Variants in SCN8A observed in about 807,000 individuals in gnomAD.
The protein encoded by SCN8A is sodium voltage-gated channel alpha subunit 8, also known as sodium channel protein type 8 subunit alpha.
SCN8A carries 30 observed loss-of-function variants against 184.1 expected under a neutral mutation model. The ratio of observed to expected loss-of-function variants is 0.16; its 90% confidence interval spans 0.12 to 0.22. SCN8A has a LOEUF of 0.22. Among genes scored for constraint, SCN8A ranks in the 10% least tolerant of loss-of-function variants. The pLI is 1.00. For synonymous variants in SCN8A, 852 were observed against 907.0 expected (o/e 0.94, Z 1.09); for missense variants, 1,057 against 2,498.9 (o/e 0.42, Z 12.30).
At chr12:51,777,465 G>GTTGT (rs574594421) in intron 20 of SCN8A, among the ~76,000 whole-genome samples, 4 of 151,528 alleles carry the variant, frequency 2.6e-5, no homozygotes, top group East Asian at 1.9e-4. Flanking sequence ...CCTTTTTTTT[G>GTTGT]TTGTTTGTTT....
chr12:51,766,453 G>A (rs1343808262), intron 16 of SCN8A, among the ~76,000 whole-genome samples: 1 of 152,094 alleles, frequency 6.6e-6, no homozygotes, highest in Non-Finnish European at 1.5e-5. Flanking sequence ...TGCATTGTAG[G>A]GTTTAGCAGC....
At chr12:51,597,892 G>GT (rs887859935) in intron 1 of SCN8A, among the ~76,000 whole-genome samples, 6 of 151,994 alleles carry the variant, frequency 3.9e-5, no homozygotes, top group African/African-American at 1.4e-4. Flanking sequence ...ATTCACTACT[G>GT]TTTTTTTGTC....
intron 7 of SCN8A, among the ~76,000 whole-genome samples, chr12:51,700,380 T>G (rs953438415): frequency 1.3e-5 from 2 of 152,190 alleles, no homozygotes; most frequent in African/African-American, 4.8e-5. Context: ...AATTATTTTT[T>G]TCCCTAGCTG....
At chr12:51,686,970 G>T in intron 4 of SCN8A, 121 bp from the exon 5 acceptor site, 1 of 941,842 alleles carries the variant, frequency 1.1e-6, no homozygotes, top group Non-Finnish European at 1.7e-6. Flanking sequence ...TGCTGCATTG[G>T]CTGTGCCCTT....
intron 6 of SCN8A, among the ~76,000 whole-genome samples, chr12:51,697,910 G>T (rs1016013161): frequency 3.9e-5 from 6 of 152,118 alleles, no homozygotes; most frequent in Admixed American, 2.0e-4. Context: ...GTGCAGTGGC[G>T]CAATCTTGGC....
chr12:51,735,669 G>A (rs545104678), intron 12 of SCN8A, among the ~76,000 whole-genome samples: 1 of 152,276 alleles, frequency 6.6e-6, no homozygotes, highest in African/African-American at 2.4e-5. Context: ...CCCCAGGTGG[G>A]TGGCTGTGGT....
chr12:51,611,781 C>T (rs1185179461), intron 1 of SCN8A, among the ~76,000 whole-genome samples: 1 of 152,216 alleles, frequency 6.6e-6, no homozygotes, highest in Admixed American at 6.5e-5. Flanking sequence ...TGACGTGAGC[C>T]ACTGCACCCG....
chr12:51,592,486 A>G (rs1358291928), intron 1 of SCN8A, among the ~76,000 whole-genome samples: 4 of 152,132 alleles, frequency 2.6e-5, no homozygotes, highest in African/African-American at 4.8e-5. Flanking sequence ...CAGTTTTTGA[A>G]GCATGAGGGA....
At chr12:51,626,034 C>T (rs1014990774) in intron 1 of SCN8A, among the ~76,000 whole-genome samples, 5 of 152,070 alleles carry the variant, frequency 3.3e-5, no homozygotes, top group South Asian at 2.1e-4. Context: ...CACACAGGGC[C>T]GCAGAGGGAA....
intron 1 of SCN8A, among the ~76,000 whole-genome samples, chr12:51,629,358 T>C (rs1940147470): frequency 6.6e-6 from 1 of 152,130 alleles, no homozygotes. Flanking sequence ...GTTCTGTGCA[T>C]TGTAAGATGT....
At chr12:51,803,084 A>C (rs1007643574) in intron 26 of SCN8A, among the ~76,000 whole-genome samples, 1 of 152,204 alleles carries the variant, frequency 6.6e-6, no homozygotes, top group African/African-American at 2.4e-5. Context: ...GCCATCTGCA[A>C]GCTGAGGAGC....
rs552854004 is a variant in SCN8A, at chr12:51,767,667, C to T, written c.2902-1198C>T. ...AGGCTGTATACCAAATCTACTGAAT[C>T]CAAATATCTTTAGAGTAGGCTAAGG... On this transcript the variant is annotated intron_variant, in intron 16 of 26. Transcript: ENST00000627620. 2.0e-5 allele frequency among the ~76,000 whole-genome samples: 3 copies of T among 152,338 alleles called. No homozygotes were observed. The South Asian group carries it at 6.2e-4, about 32-fold the overall frequency.
At chr12:51,752,447 C>T (rs1030629528) in intron 14 of SCN8A, among the ~76,000 whole-genome samples, 2 of 152,112 alleles carry the variant, frequency 1.3e-5, no homozygotes, top group South Asian at 2.1e-4. Flanking sequence ...ACACACCACA[C>T]AGTTTTGACC....
intron 1 of SCN8A, among the ~76,000 whole-genome samples, chr12:51,627,171 T>A (rs1223195488): frequency 6.6e-6 from 1 of 152,152 alleles, no homozygotes; most frequent in Non-Finnish European, 1.5e-5. Flanking sequence ...TTGGTTTTGT[T>A]GTTAACATAT....
intron 1 of SCN8A, among the ~76,000 whole-genome samples, chr12:51,592,725 C>T (rs983086075): frequency 2.8e-4 from 43 of 150,910 alleles, no homozygotes; most frequent in African/African-American, 1.0e-3. Context: ...GGGTGGGGGC[C>T]ATGGGGGTAA....
chr12:51,684,113 T>C (rs777860109), intron 2 of SCN8A, 61 bp from the exon 3 acceptor site: 2 of 845,672 alleles, frequency 2.4e-6, no homozygotes, highest in East Asian at 4.8e-5. Flanking sequence ...TAGAAATCAT[T>C]GTTTCATGTG....
chr12:51,652,584 A>T (rs983784919), intron 1 of SCN8A, among the ~76,000 whole-genome samples: 3 of 152,142 alleles, frequency 2.0e-5, no homozygotes, highest in African/African-American at 7.2e-5. Flanking sequence ...TCTGAAATCC[A>T]CTTACACTGA....
At chr12:51,772,247 T>C (rs1942936063) in intron 19 of SCN8A, among the ~76,000 whole-genome samples, 1 of 151,858 alleles carries the variant, frequency 6.6e-6, no homozygotes, top group Non-Finnish European at 1.5e-5. Flanking sequence ...AATACAAAAT[T>C]AGCCGGGCAT....
chr12:51,741,780 G>A (rs1019356729), intron 12 of SCN8A, among the ~76,000 whole-genome samples: 1 of 151,080 alleles, frequency 6.6e-6, no homozygotes, highest in Non-Finnish European at 1.5e-5. Context: ...GTGTGATCTC[G>A]GCTCACTGCA....
Sources: gnomAD v4.1 joint callset for allele counts (sites outside exome capture counted in the v4.1 genomes callset) on GRCh38, gnomAD v4.1.1 for gene constraint, MANE v1.5 for transcripts, NCBI Gene and HGNC (gene_info 2026-07-23, HGNC 2026-07-21) for gene names.